MALRD1: variants seen among roughly 807,000 people sequenced by gnomAD.
The protein encoded by MALRD1 is MAM and LDL receptor class A domain containing 1.
In MALRD1, 247 loss-of-function variants were observed where a neutral mutation model predicts 242.1. The observed-to-expected ratio is 1.02, with a 90% CI of 0.92 to 1.13. MALRD1 has a LOEUF of 1.13. MALRD1 is among the 50% of genes most tolerant of loss of function. MALRD1 has a pLI of 0.00. For synonymous variants in MALRD1, 995 were observed against 866.6 expected (o/e 1.15, Z -2.60); for missense variants, 2,989 against 2,533.1 (o/e 1.18, Z -3.86).
intron 32 of MALRD1, among the ~76,000 whole-genome samples, chr10:19,545,585 A>G (rs1314298749): frequency 6.6e-6 from 1 of 152,048 alleles, no homozygotes; most frequent in Admixed American, 6.5e-5. Context: ...CAGGACTTTT[A>G]CACTACCTAC....
intron 18 of MALRD1, among the ~76,000 whole-genome samples, chr10:19,238,851 A>T (rs1442273854): frequency 6.6e-6 from 1 of 151,398 alleles, no homozygotes; most frequent in African/African-American, 2.4e-5. Context: ...ACAGTGTGTA[A>T]GTGTTCCCTT....
At chr10:19,174,238 G>C (rs1434969266) in intron 13 of MALRD1, among the ~76,000 whole-genome samples, 1 of 152,092 alleles carries the variant, frequency 6.6e-6, no homozygotes, top group Non-Finnish European at 1.5e-5. Context: ...AGGTTCTTAT[G>C]ACCTATTTTG....
In MALRD1 at chr10:19,692,351, C is replaced by T. The variant is rs551723933; in HGVS notation, c.6207C>T (p.Tyr2069=). The T allele has an allele frequency of 1.9e-4, 294 of 1,535,138 alleles. 1 individual carries two copies. Among genetic ancestry groups the T allele is most frequent in the South Asian group, 7.3e-4 (61 of 83,994 alleles). ...KFNPPATDFT[Y]AQNNTWTLLG... is the part of the protein sequence containing the mutation. ...ATCCTCCTGCTACAGACTTCACATA[C>T]GCTCAGAATAGTAGGTGACATTATG... The change falls in exon 37 of 40, where the codon TAC becomes TAT. Residue 2069 remains tyrosine (Y), a synonymous_variant. Coordinates refer to ENST00000454679, the MANE Select transcript of MALRD1 (RefSeq NM_001142308.3).
intron 36 of MALRD1, among the ~76,000 whole-genome samples, chr10:19,630,079 G>A (rs1839838587): frequency 6.6e-6 from 1 of 152,176 alleles, no homozygotes; most frequent in Non-Finnish European, 1.5e-5. Flanking sequence ...TATGTTTGCT[G>A]TTGCCCTAAT....
chr10:19,659,382 A>G (rs1841317199), intron 36 of MALRD1, among the ~76,000 whole-genome samples: 1 of 152,150 alleles, frequency 6.6e-6, no homozygotes, highest in Admixed American at 6.6e-5. Context: ...CAGAAACACA[A>G]AGGGATTAAA....
At chr10:19,395,881 C>G (rs1256286589) in intron 28 of MALRD1, among the ~76,000 whole-genome samples, 2 of 152,122 alleles carry the variant, frequency 1.3e-5, no homozygotes, top group Non-Finnish European at 2.9e-5. Context: ...AGGAGTCCTA[C>G]TAAGCTAGTT....
chr10:19,059,843 T>C (rs1257940722), intron 1 of MALRD1, among the ~76,000 whole-genome samples: 1 of 152,234 alleles, frequency 6.6e-6, no homozygotes, highest in African/African-American at 2.4e-5. Flanking sequence ...ATTTTCTTTC[T>C]TTCTCATTTC....
intron 21 of MALRD1, among the ~76,000 whole-genome samples, chr10:19,322,245 G>A (rs1842938396): frequency 6.6e-6 from 1 of 151,906 alleles, no homozygotes; most frequent in Admixed American, 6.6e-5. Flanking sequence ...TCTTTGTTCT[G>A]CGTATCCCTG....
At chr10:19,306,041 A>G (rs1213777479) in intron 21 of MALRD1, among the ~76,000 whole-genome samples, 3 of 110,866 alleles carry the variant, frequency 2.7e-5, no homozygotes, top group Admixed American at 1.0e-4. Flanking sequence ...TATATATTAT[A>G]TAGTATACAA....
At chr10:19,509,938 A>G (rs1196666942) in intron 31 of MALRD1, among the ~76,000 whole-genome samples, 1 of 150,818 alleles carries the variant, frequency 6.6e-6, no homozygotes, top group Non-Finnish European at 1.5e-5. Context: ...GGCGCTCAGC[A>G]TACAGAGGAT....
At chr10:19,366,051 C>G (rs1320032898) in intron 26 of MALRD1, among the ~76,000 whole-genome samples, 2 of 151,910 alleles carry the variant, frequency 1.3e-5, no homozygotes, top group Non-Finnish European at 2.9e-5. Flanking sequence ...GACAATTTTT[C>G]CACATACTGG....
At chr10:19,077,747 T>A (rs1206739358) in intron 2 of MALRD1, among the ~76,000 whole-genome samples, 1 of 151,892 alleles carries the variant, frequency 6.6e-6, no homozygotes, top group Non-Finnish European at 1.5e-5. Context: ...GGGTTCCCGC[T>A]CCAGATTCAG....
At chr10:19,586,833 C>T (rs1269186371) in intron 33 of MALRD1, among the ~76,000 whole-genome samples, 7 of 152,246 alleles carry the variant, frequency 4.6e-5, no homozygotes, top group East Asian at 3.9e-4. Context: ...GCCTCGCTGC[C>T]GCCTTGCAGT....
chr10:19,056,893 A>G (rs571675517), intron 1 of MALRD1, among the ~76,000 whole-genome samples: 27 of 151,922 alleles, frequency 1.8e-4, no homozygotes, highest in Non-Finnish European at 2.9e-4. Flanking sequence ...AGGATTTTGA[A>G]TTTTTCAAAT....
intron 26 of MALRD1, among the ~76,000 whole-genome samples, chr10:19,356,376 G>A (rs1237604651): frequency 6.6e-6 from 1 of 152,026 alleles, no homozygotes; most frequent in African/African-American, 2.4e-5. Flanking sequence ...TGGTGCAAGC[G>A]AGTTAAGGAA....
chr10:19,641,332 A>C (rs890574148), intron 36 of MALRD1, among the ~76,000 whole-genome samples: 1 of 152,216 alleles, frequency 6.6e-6, no homozygotes, highest in African/African-American at 2.4e-5. Context: ...TACACCACTC[A>C]TTGCCCTTTG....
intron 36 of MALRD1, among the ~76,000 whole-genome samples, chr10:19,643,791 C>G (rs1297511099): frequency 6.6e-6 from 1 of 152,154 alleles, no homozygotes; most frequent in African/African-American, 2.4e-5. Context: ...CTTTCTTCTC[C>G]CATACTCGGT....
intron 31 of MALRD1, among the ~76,000 whole-genome samples, chr10:19,527,686 A>G (rs1372306701): frequency 6.6e-6 from 1 of 152,202 alleles, no homozygotes; most frequent in Non-Finnish European, 1.5e-5. Context: ...TTATTTAACT[A>G]TTTGGGACAA....
chr10:19,624,049 A>C (rs1402043444), intron 36 of MALRD1, among the ~76,000 whole-genome samples: 1 of 152,156 alleles, frequency 6.6e-6, no homozygotes, highest in South Asian at 2.1e-4. Context: ...AGAAACACAC[A>C]CTTTGCTAAT....
Sources: allele counts gnomAD v4.1 joint callset (sites outside exome capture counted in the v4.1 genomes callset), GRCh38; gene constraint gnomAD v4.1.1; transcripts MANE v1.5; gene names NCBI Gene and HGNC (gene_info 2026-07-23, HGNC 2026-07-21).